The following LRBA variants were observed in gnomAD, a reference collection of about 807,000 sequenced individuals.
The protein encoded by LRBA is LPS responsive beige-like anchor protein.
Under a neutral mutation model 330.0 loss-of-function variants are expected in LRBA, and 176 were observed. The ratio of observed to expected loss-of-function variants is 0.53; its 90% CI spans 0.47 to 0.60. LRBA has a LOEUF of 0.60. Among genes scored for constraint, LRBA ranks in the 20% least tolerant of loss-of-function variants. The probability of loss-of-function intolerance (pLI) is 0.00; values close to 1 mark genes in which losing one functional copy is unlikely to be tolerated. For synonymous variants in LRBA, 1,230 were observed against 1,193.0 expected (o/e 1.03, Z -0.64); for missense variants, 3,259 against 3,444.8 (o/e 0.95, Z 1.35).
At chr4:150,991,068 A>G (rs925549966) in intron 2 of LRBA, among the ~76,000 whole-genome samples, 6 of 151,890 alleles carry the variant, frequency 4.0e-5, no homozygotes, top group East Asian at 1.9e-4. Flanking sequence ...AAAAAAAAAA[A>G]AAGAAGACGA....
intron 35 of LRBA, among the ~76,000 whole-genome samples, chr4:150,756,748 A>G (rs1734365844): frequency 6.6e-6 from 1 of 152,182 alleles, no homozygotes; most frequent in Non-Finnish European, 1.5e-5. Context: ...ACAGGGTCAA[A>G]GGGAGTAGTA....
chr4:150,266,381 C>T (rs1192559453), intron 56 of LRBA, among the ~76,000 whole-genome samples: 3 of 152,192 alleles, frequency 2.0e-5, no homozygotes, highest in East Asian at 1.9e-4. Flanking sequence ...ACCTAGTCCT[C>T]GTAACACAGT....
intron 48 of LRBA, among the ~76,000 whole-genome samples, chr4:150,337,374 ACACCTAACT>A (rs1368522873): frequency 3.9e-5 from 6 of 152,202 alleles, no homozygotes; most frequent in African/African-American, 1.4e-4. Context: ...TAATTTAGTT[ACACCTAACT>A]TAACTAGTAA....
intron 47 of LRBA, among the ~76,000 whole-genome samples, chr4:150,362,182 G>A (rs1738806210): frequency 6.6e-6 from 1 of 152,034 alleles, no homozygotes; most frequent in Non-Finnish European, 1.5e-5. Flanking sequence ...TTTCTGGTGA[G>A]GGACTAGGTC....
chr4:150,914,128 A>C (rs1342215602), intron 9 of LRBA, 67 bp downstream of exon 9: 7 of 1,317,424 alleles, frequency 5.3e-6, no homozygotes, highest in African/African-American at 1.5e-5. Context: ...CAAACTCTCC[A>C]TGTATAACCC....
intron 40 of LRBA, among the ~76,000 whole-genome samples, chr4:150,519,054 T>A (rs547030650): frequency 6.7e-4 from 102 of 152,294 alleles, no homozygotes; most frequent in Admixed American, 1.5e-3. Context: ...CTTTGGTTTA[T>A]TTTACTTCAT....
intron 2 of LRBA, among the ~76,000 whole-genome samples, chr4:150,929,951 G>T (rs1276009798): frequency 5.9e-5 from 9 of 152,058 alleles, no homozygotes; most frequent in Non-Finnish European, 1.3e-4. Context: ...AATACTTCTT[G>T]ATTTTTCATT....
intron 36 of LRBA, among the ~76,000 whole-genome samples, chr4:150,718,670 T>C (rs1258441888): frequency 6.6e-6 from 1 of 152,180 alleles, no homozygotes; most frequent in Non-Finnish European, 1.5e-5. Context: ...GTAACAACAA[T>C]ATTTATTTGG....
intron 53 of LRBA, among the ~76,000 whole-genome samples, chr4:150,299,038 G>A (rs1036441246): frequency 6.6e-6 from 1 of 151,994 alleles, no homozygotes; most frequent in Non-Finnish European, 1.5e-5. Flanking sequence ...TCATGTCAAA[G>A]TTTAAAGTAT....
At chr4:151,010,239 C>G (rs1744671431) in intron 2 of LRBA, among the ~76,000 whole-genome samples, 1 of 152,044 alleles carries the variant, frequency 6.6e-6, no homozygotes, top group South Asian at 2.1e-4. Context: ...AATCACTATT[C>G]TTGAATTAGG....
intron 36 of LRBA, among the ~76,000 whole-genome samples, chr4:150,688,308 A>G (rs985294684): frequency 5.3e-5 from 8 of 152,232 alleles, no homozygotes; most frequent in African/African-American, 1.9e-4. Context: ...TCAATCCAAG[A>G]TGGATTAAAG....
At chr4:150,601,986 C>T (rs1174274311) in intron 37 of LRBA, among the ~76,000 whole-genome samples, 6 of 149,180 alleles carry the variant, frequency 4.0e-5, no homozygotes, top group South Asian at 2.3e-4. Context: ...CCACCGCACC[C>T]GGCCTATTCT....
intron 40 of LRBA, among the ~76,000 whole-genome samples, chr4:150,567,401 T>C (rs1340632080): frequency 6.6e-6 from 1 of 152,008 alleles, no homozygotes; most frequent in East Asian, 1.9e-4. Context: ...ATTTAAGTTG[T>C]GGGAAGGCAA....
chr4:150,563,575 G>C (rs112199401), intron 40 of LRBA, among the ~76,000 whole-genome samples: 1 of 152,154 alleles, frequency 6.6e-6, no homozygotes, highest in African/African-American at 2.4e-5. Context: ...ATTCGAATAG[G>C]AAGAGAGAAA....
rs140718670 is a variant in LRBA, at chr4:150,621,717, C to A, written c.5922-22586G>T. Among the ~76,000 whole-genome samples, 272 of 152,268 alleles carry A rather than the reference C, an allele frequency of 1.8e-3. 6 individuals carry two copies. In the East Asian group the frequency reaches 0.042, roughly 23 times the overall value. ...CCTGTATGTTCAAAATCATTACTTC[C>A]AGTTCCTCAGAAATCTCAAAAAATA... On this transcript the variant is annotated intron_variant, in intron 37 of 56. Coordinates refer to ENST00000651943, the MANE Select transcript of LRBA (RefSeq NM_001364905.1).
intron 34 of LRBA, among the ~76,000 whole-genome samples, chr4:150,780,050 CAT>C (rs1737950894): frequency 1.3e-5 from 2 of 152,144 alleles, no homozygotes; most frequent in Admixed American, 6.5e-5. Flanking sequence ...AAGAATTAAA[CAT>C]GTGGTAAATA....
At chr4:150,935,237 T>C (rs930819664) in intron 2 of LRBA, among the ~76,000 whole-genome samples, 1 of 151,604 alleles carries the variant, frequency 6.6e-6, no homozygotes, top group African/African-American at 2.4e-5. Flanking sequence ...ACTGGAAATC[T>C]CTTTCTCCAT....
chr4:150,343,737 C>A (rs1449902838), intron 48 of LRBA, among the ~76,000 whole-genome samples: 1 of 152,164 alleles, frequency 6.6e-6, no homozygotes, highest in Non-Finnish European at 1.5e-5. Context: ...CAGGCGTGCA[C>A]ACACACACAT....
At chr4:150,992,040 G>A (rs1432893041) in intron 2 of LRBA, among the ~76,000 whole-genome samples, 3 of 152,222 alleles carry the variant, frequency 2.0e-5, no homozygotes, top group Non-Finnish European at 4.4e-5. Context: ...ACAAGGCTGG[G>A]CGCAGTGGCT....
Sources: allele counts gnomAD v4.1 joint callset (sites outside exome capture counted in the v4.1 genomes callset), GRCh38; gene constraint gnomAD v4.1.1; transcripts MANE v1.5; gene names NCBI Gene and HGNC (gene_info 2026-07-23, HGNC 2026-07-21).